The following RFT1 variants were observed in gnomAD, a reference collection of about 807,000 sequenced individuals.
The protein encoded by RFT1 is RFT1 glycolipid translocator homolog.
In RFT1, 43 loss-of-function variants were observed where a neutral mutation model predicts 62.2. That is an observed-to-expected ratio of 0.69 (90% CI 0.54 to 0.89). RFT1 has a LOEUF of 0.89. Among genes scored for constraint, RFT1 ranks in the 40% least tolerant of loss-of-function variants. The pLI is 0.00. For synonymous variants in RFT1, 262 were observed against 264.6 expected, an observed-to-expected ratio of 0.99 and a Z score of 0.10; for missense variants, 605 against 649.9, an observed-to-expected ratio of 0.93 and a Z score of 0.75.
chr3:53,099,671 A>G (rs1365969583), intron 10 of RFT1, among the ~76,000 whole-genome samples, 185 bp from the exon 11 acceptor site: 2 of 152,180 alleles, frequency 1.3e-5, no homozygotes, highest in African/African-American at 4.8e-5. Flanking sequence ...ATTCTATGGC[A>G]TTGACTAAAT....
chr3:53,108,963 C>T (rs951720840), intron 7 of RFT1, among the ~76,000 whole-genome samples: 12 of 152,174 alleles, frequency 7.9e-5, no homozygotes, highest in East Asian at 1.9e-4. Context: ...GCCACCGTGC[C>T]GGGCCAAAAT....
the RFT1 span, among the ~76,000 whole-genome samples, chr3:53,068,478 T>C: frequency 1.3e-5 from 2 of 152,234 alleles, no homozygotes; most frequent in Non-Finnish European, 2.9e-5. Context: ...GTTCCTTTAA[T>C]CCTCACCACA....
chr3:53,101,638 T>C (rs1280867249), intron 10 of RFT1, among the ~76,000 whole-genome samples: 1 of 152,226 alleles, frequency 6.6e-6, no homozygotes, highest in Non-Finnish European at 1.5e-5. Flanking sequence ...CAGTGGTACC[T>C]GAGAATCTGT....
chr3:53,116,850 C>G (rs1022234265), intron 6 of RFT1, among the ~76,000 whole-genome samples: 2 of 151,416 alleles, frequency 1.3e-5, no homozygotes, highest in African/African-American at 2.4e-5. Flanking sequence ...GTGATCTGCC[C>G]GCTCAGCCTC....
rs761374890 is a variant in RFT1 at position 53,130,393 on chromosome 3, C to T, written c.8G>A (p.Ser3Asn). ...GGCCGCGTGGCCCAGCACCTCCTGG[C>T]TGCCCATAGCCTCCGCGCCAGGCTC... MGSQEVLGHAARL... is the reference protein window; with the variant it reads MGNQEVLGHAARL... Residue 3 changes from serine (S) to asparagine (N), a missense_variant, in exon 1 of 13, where the codon AGC (serine) becomes AAC (asparagine). Ser to Asn is a conservative substitution (Grantham distance 46, BLOSUM62 1). Transcript: ENST00000296292. The T allele has an allele frequency of 1.3e-6, 2 of 1,554,994 alleles. No homozygotes were observed. Among genetic ancestry groups the T allele is most frequent in the Non-Finnish European group, 1.7e-6 (2 of 1,149,456 alleles).
intron 1 of RFT1, 21 bp from the exon 2 acceptor site, chr3:53,126,015 T>C: frequency 6.4e-7 from 1 of 1,566,974 alleles, no homozygotes; most frequent in East Asian, 2.2e-5. Flanking sequence ...AGAGGAAAAA[T>C]ACGTAAGAAT....
At chr3:53,068,053 C>T in the RFT1 span, among the ~76,000 whole-genome samples, 3 of 152,216 alleles carry the variant, frequency 2.0e-5, no homozygotes, top group African/African-American at 7.2e-5. Context: ...CCAGGACTGC[C>T]TGGCAGGAGT....
chr3:53,115,279 C>G (rs985001244), intron 6 of RFT1, among the ~76,000 whole-genome samples: 1 of 152,100 alleles, frequency 6.6e-6, no homozygotes, highest in Admixed American at 6.5e-5. Flanking sequence ...TTTTGCTAAG[C>G]CTTGGCTTTC....
chr3:53,103,039 A>G, intron 10 of RFT1: 3 of 901,214 alleles, frequency 3.3e-6, no homozygotes, highest in Non-Finnish European at 4.0e-6. Flanking sequence ...CACAAGCCCC[A>G]GGGAGCTGCA....
chr3:53,125,358 C>A (rs925352143), intron 2 of RFT1, among the ~76,000 whole-genome samples: 2 of 152,076 alleles, frequency 1.3e-5, no homozygotes, highest in African/African-American at 2.4e-5. Context: ...AGAAAGGAGG[C>A]GAGTAGAAGA....
chr3:53,077,578 C>A, the RFT1 span: 1 of 152,372 alleles, frequency 6.6e-6, no homozygotes, highest in African/African-American at 2.4e-5. Context: ...GGCTTTTGTT[C>A]CCTAGCTTCC....
the RFT1 span, among the ~76,000 whole-genome samples, chr3:53,083,356 TA>T: frequency 0.03 from 4,131 of 138,024 alleles, 136 homozygotes; most frequent in African/African-American, 0.086. Context: ...TACTAAAAAT[TA>T]AAAAAAAAAA....
the RFT1 span, among the ~76,000 whole-genome samples, chr3:53,081,172 G>T: frequency 6.6e-6 from 1 of 152,230 alleles, no homozygotes; most frequent in Non-Finnish European, 1.5e-5. Flanking sequence ...GAAGCCAAGG[G>T]AAAGAAACGG....
At chr3:53,120,756 G>C (rs1389993416) in intron 5 of RFT1, among the ~76,000 whole-genome samples, 1 of 152,190 alleles carries the variant, frequency 6.6e-6, no homozygotes, top group African/African-American at 2.4e-5. Flanking sequence ...CTCTAGACTT[G>C]CTTTCAACCT....
intron 6 of RFT1, among the ~76,000 whole-genome samples, chr3:53,116,256 T>C (rs1438877432): frequency 1.3e-5 from 2 of 151,484 alleles, no homozygotes; most frequent in Admixed American, 6.6e-5. Flanking sequence ...GGTAAAGTCA[T>C]ACACTGCGTT....
rs1015006340 is a variant in RFT1 at position 53,090,802 on chromosome 3, A to G, written c.*1101T>C. The G allele has an allele frequency of 6.6e-6, 1 of 152,234 alleles. No homozygotes were observed. Among genetic ancestry groups the G allele is most frequent in the Non-Finnish European group, 1.5e-5 (1 of 68,050 alleles). 9.4% of individuals were successfully genotyped at this position (152,234 alleles called of 1,614,324 possible). On this transcript the variant is annotated 3_prime_UTR_variant, in exon 13 of 13. Coordinates refer to ENST00000296292, the MANE Select transcript of RFT1 (RefSeq NM_052859.4). ...ATAAAAACACTTCACACTCCAGAAC[A>G]CTGCTCATGATTTCACCTGCAGTGT... is the stretch of plus-strand genomic sequence containing the variant.
At chr3:53,128,624 C>T (rs1702177353) in intron 1 of RFT1, among the ~76,000 whole-genome samples, 1 of 152,216 alleles carries the variant, frequency 6.6e-6, no homozygotes, top group Non-Finnish European at 1.5e-5. Flanking sequence ...GATCATCCCA[C>T]CTCAGCCTCC....
At chr3:53,106,075 T>C (rs995361753) in intron 8 of RFT1, among the ~76,000 whole-genome samples, 1 of 151,566 alleles carries the variant, frequency 6.6e-6, no homozygotes, top group Non-Finnish European at 1.5e-5. Flanking sequence ...TCTACAAAAA[T>C]GGAAAAATTT....
At chr3:53,127,345 C>G (rs1702135254) in intron 1 of RFT1, among the ~76,000 whole-genome samples, 1 of 152,052 alleles carries the variant, frequency 6.6e-6, no homozygotes, top group South Asian at 2.1e-4. Flanking sequence ...TTACCTATCA[C>G]ATAGGGTTGA....
Sources: allele counts gnomAD v4.1 joint callset (sites outside exome capture counted in the v4.1 genomes callset), GRCh38; gene constraint gnomAD v4.1.1; transcripts MANE v1.5; gene names NCBI Gene and HGNC (gene_info 2026-07-23, HGNC 2026-07-21).